Variants in FAM120B observed in about 807,000 individuals in gnomAD.
FAM120B encodes the protein family with sequence similarity 120 member B.
FAM120B carries 83 observed loss-of-function variants against 96.3 expected under a neutral mutation model. The observed-to-expected ratio is 0.86, with a 90% CI of 0.72 to 1.03. The LOEUF (loss-of-function observed/expected upper bound fraction) is 1.03. Among genes scored for constraint, FAM120B ranks in the 50% least tolerant of loss-of-function variants. FAM120B has a pLI of 0.00. For synonymous variants in FAM120B, 407 were observed against 402.7 expected, an observed-to-expected ratio of 1.01 and a Z score of -0.13; for missense variants, 1,027 against 1,121.2, an observed-to-expected ratio of 0.92 and a Z score of 1.20.
Position 170,317,961 on chromosome 6 carries a change from T to G in FAM120B, c.571T>G (p.Phe191Val). 6.2e-7 allele frequency: 1 copy of G among 1,614,054 alleles called. No homozygotes were observed. The highest frequency in any genetic ancestry group is 8.5e-7 in the Non-Finnish European group (1 of 1,179,924). The change falls in exon 2 of 11, where the codon TTT becomes GTT. Residue 191 changes from phenylalanine (F) to valine (V), a missense_variant. Physicochemically the swap from Phe to Val is conservative, Grantham distance 50. Transcript: ENST00000476287. ...DYLIYDTCPY[F>V]SISELCLESL... ...CCTAATCTATGACACTTGTCCCTACTTTTCAATTAGCGAGCTCTGCCTAGA... is the reference window on the plus strand; with the variant it reads ...CCTAATCTATGACACTTGTCCCTACGTTTCAATTAGCGAGCTCTGCCTAGA...
intron 9 of FAM120B, among the ~76,000 whole-genome samples, chr6:170,401,636 A>C (rs1778589646): frequency 6.6e-6 from 1 of 152,186 alleles, no homozygotes; most frequent in Non-Finnish European, 1.5e-5. Context: ...TAAGCTACTG[A>C]TAGGAAGCAG....
rs533182522 is a variant in FAM120B at position 170,401,466 on chromosome 6, G to C, written c.2693-3084G>C. 4.8e-4 allele frequency among the ~76,000 whole-genome samples: 73 copies of C among 152,278 alleles called. 1 individual carries two copies. In the South Asian group the frequency reaches 0.015, roughly 31 times the overall value. On this transcript the variant is annotated intron_variant, in intron 9 of 10. Coordinates refer to ENST00000476287, the MANE Select transcript of FAM120B (RefSeq NM_032448.3). Reference sequence around the variant, plus strand: ...AGCTGGAGAAGGAGGCCGTCCAGAAGCTGGCAGAGAAGAGAGGCTCTGAGG... The same window carrying C: ...AGCTGGAGAAGGAGGCCGTCCAGAACCTGGCAGAGAAGAGAGGCTCTGAGG...
intron 4 of FAM120B, among the ~76,000 whole-genome samples, chr6:170,347,103 G>A (rs1368348317): frequency 6.6e-6 from 1 of 152,202 alleles, no homozygotes; most frequent in Non-Finnish European, 1.5e-5. Flanking sequence ...ACTGAGAGTA[G>A]TCAGTGCTAT....
chr6:170,383,381 G>A (rs1790023782), intron 6 of FAM120B, among the ~76,000 whole-genome samples: 1 of 152,174 alleles, frequency 6.6e-6, no homozygotes, highest in South Asian at 2.1e-4. Context: ...ACAACCTACT[G>A]CCAGGGAGAA....
At chr6:170,292,467 G>A (rs913904899), upstream of FAM120B, among the ~76,000 whole-genome samples, 2 of 152,142 alleles carry the variant, frequency 1.3e-5, no homozygotes, top group Admixed American at 6.5e-5. This position sits in a 1 kb window ranked among gnomAD's most constrained non-coding sequence, Gnocchi z 6.6. Context: ...GAGTGTTGGA[G>A]TGCCCCCTTT....
intron 7 of FAM120B, among the ~76,000 whole-genome samples, chr6:170,389,072 G>T (rs150086417): frequency 1.3e-5 from 2 of 152,292 alleles, no homozygotes; most frequent in South Asian, 2.1e-4. Context: ...AGGAGGAAGA[G>T]GGGTGGGTCT....
At chr6:170,377,178 C>G (rs1318205465) in intron 6 of FAM120B, among the ~76,000 whole-genome samples, 2 of 112,392 alleles carry the variant, frequency 1.8e-5, no homozygotes, top group Non-Finnish European at 3.5e-5. Flanking sequence ...TCCCTAAACC[C>G]AGATGCCTGG....
rs574401651 is a variant in FAM120B, at chr6:170,383,376, C to T, written c.2284-4911C>T. On this transcript the variant is annotated intron_variant, in intron 6 of 10. Transcript: ENST00000476287. ...TCTATTAGGATAAGGAAAAGACAAC[C>T]TACTGCCAGGGAGAAAATACTTGCA... 1.8e-4 allele frequency among the ~76,000 whole-genome samples: 28 copies of T among 152,194 alleles called. No homozygotes were observed. In the South Asian group the frequency reaches 4.6e-3, roughly 25 times the overall value.
intron 9 of FAM120B, among the ~76,000 whole-genome samples, chr6:170,398,396 G>A (rs892967470): frequency 6.4e-4 from 98 of 151,974 alleles, no homozygotes; most frequent in Non-Finnish European, 9.7e-4. Flanking sequence ...GAGTGAGTGG[G>A]GAAGGTAGAA....
intron 1 of FAM120B, among the ~76,000 whole-genome samples, chr6:170,308,583 T>C (rs1784419604): frequency 6.6e-6 from 1 of 152,186 alleles, no homozygotes; most frequent in Non-Finnish European, 1.5e-5. Flanking sequence ...GGTTTCTAGG[T>C]CTGTCACTTG....
rs1035427030 is a variant in FAM120B at position 170,363,820 on chromosome 6, A to G, written c.2283+5502A>G. Among the ~76,000 whole-genome samples the G allele has an allele frequency of 6.6e-6, 1 of 152,126 alleles. No individual in the cohort carries two copies. Among genetic ancestry groups the G allele is most frequent in the African/African-American group, 2.4e-5 (1 of 41,444 alleles). ...CACCCTGTCACCCAGGCTAGAGTGCAGTGGCGCGAACTCAGCTCACTGCAA... is the reference window on the plus strand; with the variant it reads ...CACCCTGTCACCCAGGCTAGAGTGCGGTGGCGCGAACTCAGCTCACTGCAA... On this transcript the variant is annotated intron_variant, in intron 6 of 10. Transcript: ENST00000476287. The surrounding 1 kb of genome is among the most constrained non-coding windows in gnomAD (Gnocchi z 4.5).
chr6:170,353,744 A>G (rs1787725090), intron 5 of FAM120B, among the ~76,000 whole-genome samples: 1 of 152,230 alleles, frequency 6.6e-6, no homozygotes, highest in South Asian at 2.1e-4. Context: ...AAGGAGAACT[A>G]AAAACTACTG....
At chr6:170,327,787 G>A (rs113453919) in intron 3 of FAM120B, among the ~76,000 whole-genome samples, 7 of 132,514 alleles carry the variant, frequency 5.3e-5, no homozygotes, top group African/African-American at 1.5e-4. Flanking sequence ...GGACACGACC[G>A]TATACTGCTG....
chr6:170,364,702 A>T (rs1392647115), intron 6 of FAM120B, among the ~76,000 whole-genome samples: 1 of 152,136 alleles, frequency 6.6e-6, no homozygotes, highest in African/African-American at 2.4e-5. Flanking sequence ...TCAAGAGCTG[A>T]TGGGGGCACT....
intron 6 of FAM120B, among the ~76,000 whole-genome samples, chr6:170,383,249 G>A (rs1790016705): frequency 6.6e-6 from 1 of 152,146 alleles, no homozygotes; most frequent in Non-Finnish European, 1.5e-5. Flanking sequence ...CAGGCAAAGA[G>A]TTCTTAGACT....
chr6:170,396,169 T>C (rs1268646525), intron 9 of FAM120B, among the ~76,000 whole-genome samples: 1 of 152,252 alleles, frequency 6.6e-6, no homozygotes, highest in East Asian at 1.9e-4. Context: ...TATCATTTAA[T>C]CCCTTAAAAT....
intron 2 of FAM120B, among the ~76,000 whole-genome samples, chr6:170,319,578 G>C (rs1785156909): frequency 6.6e-6 from 1 of 152,200 alleles, no homozygotes; most frequent in South Asian, 2.1e-4. Context: ...TGAGACAGGA[G>C]ACTTACTTGA....
At chr6:170,332,309 A>G (rs531171454) in intron 4 of FAM120B, among the ~76,000 whole-genome samples, 4 of 152,376 alleles carry the variant, frequency 2.6e-5, no homozygotes, top group East Asian at 1.9e-4. Flanking sequence ...TTCCGTATCT[A>G]TGAGGAATAT....
chr6:170,360,989 T>C (rs1788321564), intron 6 of FAM120B, among the ~76,000 whole-genome samples: 1 of 151,796 alleles, frequency 6.6e-6, no homozygotes, highest in Non-Finnish European at 1.5e-5. Flanking sequence ...TCGTATTGCA[T>C]TGGGAGTTCG....
Sources: gnomAD v4.1 joint callset for allele counts (sites outside exome capture counted in the v4.1 genomes callset) on GRCh38, gnomAD v4.1.1 for gene constraint, Gnocchi (gnomAD v3.1) non-coding constraint, MANE v1.5 for transcripts, NCBI Gene and HGNC (gene_info 2026-07-23, HGNC 2026-07-21) for gene names.